Variants in C12orf43 observed in about 807,000 individuals in gnomAD.
C12orf43 encodes the protein protein CUSTOS.
C12orf43 carries 15 observed loss-of-function variants against 20.6 expected under a neutral mutation model. The ratio of observed to expected loss-of-function variants is 0.73; its 90% CI spans 0.49 to 1.12. The LOEUF (loss-of-function observed/expected upper bound fraction) is 1.12, where lower values mean the gene tolerates loss of function less well. Ranked by LOEUF, C12orf43 falls within the 50% of genes most tolerant of loss-of-function variation. C12orf43 has a pLI of 0.00. For synonymous variants in C12orf43, 144 were observed against 130.8 expected (o/e 1.10, Z -0.69); for missense variants, 334 against 344.4 (o/e 0.97, Z 0.24).
chr12:121,006,897 A>G (rs77064065), intron 3 of C12orf43: 14,259 of 156,026 alleles, frequency 0.091, 885 homozygotes, highest in East Asian at 0.13. Context: ...AGACTGCGCC[A>G]CTGCACTCCA....
chr12:121,004,372 T>A lies in C12orf43; in HGVS notation c.570A>T (p.Lys190Asn). 2 of 1,614,184 alleles carry A rather than the reference T, an allele frequency of 1.2e-6. No homozygotes were observed. The highest frequency in any genetic ancestry group is 8.5e-7 in the Non-Finnish European group (1 of 1,180,036). The change falls in exon 6 of 6, where the codon AAA (lysine) becomes AAT (asparagine). Residue 190 changes from lysine to asparagine, a missense_variant. Transcript: ENST00000288757. The surrounding 1 kb of genome is among the most constrained non-coding windows in gnomAD (Gnocchi z 5.6). Reference protein sequence around the residue: ...PGTVEKEAKKKRKLKKKAKKV... With the variant: ...PGTVEKEAKKNRKLKKKAKKV... ...TCTTGGCTTTCTTTTTCAACTTCCT[T>A]TTCTTCTTTGCCTCCTTCTCCACTG...
rs1284013094 is a variant in C12orf43, at chr12:121,002,090, A to G, written c.*2063T>C. On this transcript the variant is annotated 3_prime_UTR_variant, in exon 6 of 6. Coordinates refer to ENST00000288757, the MANE Select transcript of C12orf43 (RefSeq NM_022895.3). ...TGCAGACCCTGCCCTTGTTTGGGGC[A>G]GGAGTAGCTGAGCTCACAAGGCAGC... 2.1e-5 allele frequency: 11 copies of G among 535,324 alleles called. No individual in the cohort carries two copies. Among genetic ancestry groups the G allele is most frequent in the Non-Finnish European group, 4.0e-5 (11 of 276,106 alleles). 33.2% of individuals were successfully genotyped at this position (535,324 alleles called of 1,614,324 possible).
intron 1 of C12orf43, among the ~76,000 whole-genome samples, chr12:121,014,327 G>A (rs113391942): frequency 0.042 from 6,392 of 151,504 alleles, 171 homozygotes; most frequent in South Asian, 0.092. Flanking sequence ...GCGAGACTGC[G>A]TCTCAAAAAG....
At position 121,002,066 on chromosome 12, in the gene C12orf43, G is replaced by A; in HGVS notation, c.*2087C>T. The A allele has an allele frequency of 1.9e-6, 1 of 536,588 alleles. No individual in the cohort carries two copies. Among genetic ancestry groups the A allele is most frequent in the South Asian group, 1.5e-5 (1 of 65,232 alleles). 33.2% of individuals were successfully genotyped at this position (536,588 alleles called of 1,614,324 possible). A position where few individuals can be genotyped will look rare whatever the true frequency, so the allele number is the denominator to read the frequency against. ...GCAGCTCCTCTGTCTCGAGCGCCCT[G>A]CAGACCCTGCCCTTGTTTGGGGCAG... On this transcript the variant is annotated 3_prime_UTR_variant, in exon 6 of 6. Transcript: ENST00000288757.
Position 121,001,421 on chromosome 12 carries a change from C to T in C12orf43, c.*2732G>A. The stretch of plus-strand genomic sequence containing the variant: ...GGAGGGGGTCGTGGAGAGCTAGGAG[C>T]AAAGCCTGTTCATGGCAGATGTAGG... On this transcript the variant is annotated 3_prime_UTR_variant, in exon 6 of 6. Coordinates refer to ENST00000288757, the MANE Select transcript of C12orf43 (RefSeq NM_022895.3). The T allele has an allele frequency of 1.7e-6, 1 of 574,184 alleles. No homozygotes were observed. The highest frequency in any genetic ancestry group is 3.1e-6 in the Non-Finnish European group (1 of 320,706). The allele number at this position is 574,184 out of a possible 1,614,324, so 35.6% of individuals were successfully genotyped here.
intron 1 of C12orf43, among the ~76,000 whole-genome samples, chr12:121,013,501 C>G (rs577481686): frequency 6.6e-6 from 1 of 152,326 alleles, no homozygotes; most frequent in East Asian, 1.9e-4. Flanking sequence ...TACCCATCCC[C>G]TTCCTGGATT....
intron 1 of C12orf43, among the ~76,000 whole-genome samples, chr12:121,014,015 T>C (rs1053500304): frequency 3.3e-5 from 5 of 152,240 alleles, no homozygotes; most frequent in Admixed American, 1.3e-4. Flanking sequence ...TCCTGGTGGC[T>C]ATTACTAGAC....
At chr12:121,008,082 C>G (rs957112319) in intron 3 of C12orf43, among the ~76,000 whole-genome samples, 15 of 151,748 alleles carry the variant, frequency 9.9e-5, no homozygotes, top group Non-Finnish European at 2.9e-5. Flanking sequence ...TCAGTAGCGC[C>G]AAGGTTGAGA....
rs1254458740 is a variant in C12orf43 at position 121,000,919 on chromosome 12, T to G, written c.*3234A>C. 1 of 1,130,102 alleles carries G rather than the reference T, an allele frequency of 8.8e-7. No individual in the cohort carries two copies. The highest frequency in any genetic ancestry group is 1.3e-6 in the Non-Finnish European group (1 of 771,048). 70.0% of individuals were successfully genotyped at this position (1,130,102 alleles called of 1,614,324 possible). A position where few individuals can be genotyped will look rare whatever the true frequency, so the allele number is the denominator to read the frequency against. On this transcript the variant is annotated 3_prime_UTR_variant, in exon 6 of 6. Transcript: ENST00000288757. ...GAGGCTCCCTTTGAAGAACCGAGGG[T>G]AGAGGTGTGACTTTGGGGTTCCTGT...
At chr12:121,008,187 T>G (rs988998086) in intron 3 of C12orf43, among the ~76,000 whole-genome samples, 47 of 151,628 alleles carry the variant, frequency 3.1e-4, no homozygotes, top group African/African-American at 1.1e-3. Context: ...CAGGCTGGAG[T>G]GCAGTGGCAC....
rs1487102687 is a variant in C12orf43, at chr12:121,001,288, C to A, written c.*2865G>T. 5 of 1,468,328 alleles carry A rather than the reference C, an allele frequency of 3.4e-6. No homozygotes were observed. In the Admixed American group the frequency reaches 9.3e-5, roughly 27 times the overall value. The allele number at this position is 1,468,328 out of a possible 1,614,324, so 91.0% of individuals were successfully genotyped here. A position where few individuals can be genotyped will look rare whatever the true frequency, so the allele number is the denominator to read the frequency against. The stretch of plus-strand genomic sequence containing the variant: ...TGGAGGACCTGAGCCTGCCGAGCAA[C>A]CGTGGCCCTTCCTGGACAGCTGTGC... On this transcript the variant is annotated 3_prime_UTR_variant, in exon 6 of 6. Transcript: ENST00000288757.
Position 121,016,302 on chromosome 12 carries a change from G to A in C12orf43, c.145+28C>T, listed in dbSNP as rs747013342. The A allele has an allele frequency of 5.6e-6, 9 of 1,612,794 alleles. No homozygotes were observed. In the Admixed American group the frequency reaches 6.7e-5, roughly 12 times the overall value. On this transcript the variant is annotated intron_variant, in intron 1 of 5. Coordinates refer to ENST00000288757, the MANE Select transcript of C12orf43 (RefSeq NM_022895.3). ...CCAGGGGAAGATCCCACGCCCCTCA[G>A]CCAGTCTCCCCAAACATAGTACCCT...
At chr12:121,012,576 G>T in intron 1 of C12orf43, 1 of 680,396 alleles carries the variant, frequency 1.5e-6, no homozygotes, top group South Asian at 1.5e-5. Context: ...GTCAAGGCCG[G>T]GCGCGGTGGC....
At chr12:121,015,159 A>T (rs1868787903) in intron 1 of C12orf43, among the ~76,000 whole-genome samples, 1 of 152,200 alleles carries the variant, frequency 6.6e-6, no homozygotes, top group Non-Finnish European at 1.5e-5. Flanking sequence ...ATTTAGGTAC[A>T]GTGAGATTTA....
Position 121,004,979 on chromosome 12 carries a change from G to T in C12orf43, c.452+24C>A, listed in dbSNP as rs371917512. The T allele has an allele frequency of 4.7e-6, 7 of 1,494,312 alleles. No individual in the cohort carries two copies. The Admixed American group carries it at 1.7e-4, about 36-fold the overall frequency. The allele number at this position is 1,494,312 out of a possible 1,614,324, so 92.6% of individuals were successfully genotyped here. On this transcript the variant is annotated intron_variant, in intron 5 of 5. Transcript: ENST00000288757. The surrounding 1 kb of genome is among the most constrained non-coding windows in gnomAD (Gnocchi z 5.6). Reference sequence around the variant, plus strand: ...AGAAGAGGAGAAAAAAGGAGGGGACGTGAGGAGAGGTGTGAGTTCTCACCT... The same window carrying T: ...AGAAGAGGAGAAAAAAGGAGGGGACTTGAGGAGAGGTGTGAGTTCTCACCT...
chr12:121,001,790 C>CT lies in C12orf43; in HGVS notation c.*2362dup, dbSNP rs1430668301. 1 of 536,294 alleles carries CT rather than the reference C, an allele frequency of 1.9e-6. No individual in the cohort carries two copies. Among genetic ancestry groups the CT allele is most frequent in the Non-Finnish European group, 3.6e-6 (1 of 276,492 alleles). 33.2% of individuals were successfully genotyped at this position (536,294 alleles called of 1,614,324 possible). On this transcript the variant is annotated 3_prime_UTR_variant, in exon 6 of 6. Coordinates refer to ENST00000288757, the MANE Select transcript of C12orf43 (RefSeq NM_022895.3). ...CTACTCTGTGCCAGAGCCTGGGGCT[C>CT]TAACGCCTGAGCCCAGGGAGGCCGA...
Position 121,005,216 on chromosome 12 carries a change from A to C in C12orf43, c.362-123T>G. ...AAAAGGAAAACGAAAGAAAGAAAAGATAAAGAGAAACAAAAAAAAAATTTT... is the reference window on the plus strand; with the variant it reads ...AAAAGGAAAACGAAAGAAAGAAAAGCTAAAGAGAAACAAAAAAAAAATTTT... On this transcript the variant is annotated intron_variant, in intron 4 of 5. Transcript: ENST00000288757. The surrounding 1 kb of genome is among the most constrained non-coding windows in gnomAD (Gnocchi z 5.6). 1 of 522,402 alleles carries C rather than the reference A, an allele frequency of 1.9e-6. No individual in the cohort carries two copies. The highest frequency in any genetic ancestry group is 3.0e-6 in the Non-Finnish European group (1 of 334,726). The allele number at this position is 522,402 out of a possible 1,614,324, so 32.4% of individuals were successfully genotyped here. A position where few individuals can be genotyped will look rare whatever the true frequency, so the allele number is the denominator to read the frequency against.
Position 121,004,256 on chromosome 12 carries a change from T to C in C12orf43, c.686A>G (p.Asp229Gly), listed in dbSNP as rs764806741. The C allele has an allele frequency of 2.5e-6, 4 of 1,614,094 alleles. No individual in the cohort carries two copies. The highest frequency in any genetic ancestry group is 1.7e-5 in the Admixed American group (1 of 60,000). Residue 229 changes from aspartate (D) to glycine (G), a missense_variant, in exon 6 of 6, where the codon GAC (aspartate) becomes GGC (glycine). By Grantham distance (94) the Asp-to-Gly change is moderately conservative. Coordinates refer to ENST00000288757, the MANE Select transcript of C12orf43 (RefSeq NM_022895.3). This position sits in a 1 kb window ranked among gnomAD's most constrained non-coding sequence, Gnocchi z 5.6. Reference sequence around the variant, plus strand: ...CTTTTTGGTCCCAAGCGACACCTGGTCCCCGTTGAGCTCACCTGACTTCTG... The same window carrying C: ...CTTTTTGGTCCCAAGCGACACCTGGCCCCCGTTGAGCTCACCTGACTTCTG... ...QKQKSGELNG[D>G]QVSLGTKKKK... is the part of the protein sequence containing the mutation.
In C12orf43 at chr12:121,006,372, C is replaced by A. The variant is rs368503228; in HGVS notation, c.310G>T (p.Ala104Ser). The A allele has an allele frequency of 8.7e-6, 14 of 1,614,064 alleles. No homozygotes were observed. Among genetic ancestry groups the A allele is most frequent in the Non-Finnish European group, 1.1e-5 (13 of 1,180,002 alleles). Reference protein sequence around the residue: ...LDSFITISEAAKEPAKAKVQK... With the variant: ...LDSFITISEASKEPAKAKVQK... ...ACCTTAGCTTTTGCTGGCTCCTTTG[C>A]TGCTTCTGAGATGGTAATGAAGCTA... Residue 104 changes from alanine (A) to serine (S), a missense_variant, in exon 4 of 6, where the codon GCA becomes TCA. Coordinates refer to ENST00000288757, the MANE Select transcript of C12orf43 (RefSeq NM_022895.3).
Sources: gnomAD v4.1 joint callset for allele counts (sites outside exome capture counted in the v4.1 genomes callset) on GRCh38, gnomAD v4.1.1 for gene constraint, Gnocchi (gnomAD v3.1) non-coding constraint, MANE v1.5 for transcripts, NCBI Gene and HGNC (gene_info 2026-07-23, HGNC 2026-07-21) for gene names.